Variants in GAB2 observed in about 807,000 individuals in gnomAD.
GAB2 encodes GRB2-associated-binding protein 2.
A neutral mutation model predicts 65.5 loss-of-function variants in GAB2; 26 were observed. The ratio of observed to expected loss-of-function variants is 0.40; its 90% CI spans 0.29 to 0.55. The LOEUF (loss-of-function observed/expected upper bound fraction) is 0.55, where lower values mean the gene tolerates loss of function less well. Ranked by LOEUF, GAB2 falls within the 20% of genes least tolerant of loss-of-function variation. The pLI, the probability that GAB2 is intolerant of heterozygous loss-of-function variation, is 0.53. For synonymous variants in GAB2, 321 were observed against 329.6 expected (o/e 0.97, Z 0.28); for missense variants, 884 against 875.8 (o/e 1.01, Z -0.12).
chr11:78,235,344 G>T lies in GAB2; in HGVS notation c.621-8293C>A, dbSNP rs189750728. 3.6e-3 allele frequency among the ~76,000 whole-genome samples: 549 copies of T among 151,982 alleles called. 3 individuals are homozygous for T. Among genetic ancestry groups the T allele is most frequent in the African/African-American group, 0.013 (522 of 41,464 alleles). The stretch of plus-strand genomic sequence containing the variant: ...ATTTTTTGTATTTTGAGTAGAGATG[G>T]GGTTTCACCGTGTTAGCCAGGATGG... On this transcript the variant is annotated intron_variant, in intron 3 of 9. Coordinates refer to ENST00000361507, the MANE Select transcript of GAB2 (RefSeq NM_080491.3).
At chr11:78,250,442 A>T (rs1865422214) in intron 2 of GAB2, 42 bp from the exon 3 acceptor site, 1 of 1,565,570 alleles carries the variant, frequency 6.4e-7, no homozygotes, top group Admixed American at 1.7e-5. Context: ...AAGGAAGGAA[A>T]TGTATCCTTA....
At chr11:78,243,786 G>A (rs1865214278) in intron 3 of GAB2, among the ~76,000 whole-genome samples, 1 of 152,210 alleles carries the variant, frequency 6.6e-6, no homozygotes, top group Non-Finnish European at 1.5e-5. Context: ...GGAGGTTGTA[G>A]TGAGCTGAGA....
rs560067782 is a variant in GAB2 at position 78,333,328 on chromosome 11, C to T, written c.76-52427G>A. 2.6e-5 allele frequency among the ~76,000 whole-genome samples: 4 copies of T among 152,216 alleles called. No individual in the cohort carries two copies. The South Asian group carries it at 6.2e-4, about 24-fold the overall frequency. Reference sequence around the variant, plus strand: ...TCACTCAGGCTGGAGGGCAGTGGTGCGATCATGGCTCACTCCAGCCTCGAA... The same window carrying T: ...TCACTCAGGCTGGAGGGCAGTGGTGTGATCATGGCTCACTCCAGCCTCGAA... On this transcript the variant is annotated intron_variant, in intron 1 of 9. Transcript: ENST00000361507.
chr11:78,290,002 C>T (rs893043585), intron 1 of GAB2, among the ~76,000 whole-genome samples: 1 of 151,926 alleles, frequency 6.6e-6, no homozygotes, highest in African/African-American at 2.4e-5. Context: ...GAAGTTTCAT[C>T]TTTCCTTTAT....
intron 2 of GAB2, among the ~76,000 whole-genome samples, chr11:78,272,764 G>A (rs780628475): frequency 6.6e-6 from 1 of 152,254 alleles, no homozygotes; most frequent in Non-Finnish European, 1.5e-5. Context: ...TCCAGGCCAT[G>A]TCAGAGGTCT....
At chr11:78,321,845 T>C (rs115105674) in intron 1 of GAB2, among the ~76,000 whole-genome samples, 1,501 of 149,918 alleles carry the variant, frequency 0.01, 23 homozygotes, top group African/African-American at 0.036. Context: ...GCCACACACC[T>C]ACAACAAACT....
chr11:78,231,287 G>A (rs1471869287), intron 3 of GAB2, among the ~76,000 whole-genome samples: 4 of 151,884 alleles, frequency 2.6e-5, no homozygotes, highest in African/African-American at 9.7e-5. Flanking sequence ...GGCTATAGAG[G>A]CTATTGCCAC....
At chr11:78,289,736 C>T (rs552895176) in intron 1 of GAB2, among the ~76,000 whole-genome samples, 9 of 145,652 alleles carry the variant, frequency 6.2e-5, no homozygotes, top group East Asian at 4.0e-4. Flanking sequence ...CAAACATGCA[C>T]GAGAGAGAAG....
chr11:78,227,697 G>C (rs1490588056), intron 3 of GAB2, among the ~76,000 whole-genome samples: 2 of 150,640 alleles, frequency 1.3e-5, no homozygotes, highest in African/African-American at 2.4e-5. Flanking sequence ...CTTCTGGTGA[G>C]GCTAAGGGAG....
intron 1 of GAB2, among the ~76,000 whole-genome samples, chr11:78,401,814 A>C (rs1856977394): frequency 6.6e-6 from 1 of 152,196 alleles, no homozygotes; most frequent in South Asian, 2.1e-4. Context: ...TGTGAATGAT[A>C]AAAAGCTCAG....
At chr11:78,405,091 A>ATTTTTTTT (rs1174366754) in intron 1 of GAB2, among the ~76,000 whole-genome samples, 7 of 93,252 alleles carry the variant, frequency 7.5e-5, no homozygotes, top group Non-Finnish European at 7.7e-5. Flanking sequence ...AAAAACATGG[A>ATTTTTTTT]TTTTTTTTTT....
intron 3 of GAB2, among the ~76,000 whole-genome samples, chr11:78,237,056 AT>A (rs1865002176): frequency 6.6e-6 from 1 of 152,204 alleles, no homozygotes; most frequent in African/African-American, 2.4e-5. Context: ...TGCTGGTCTC[AT>A]AAAATGAGCT....
At chr11:78,359,521 A>G (rs1350050355) in intron 1 of GAB2, among the ~76,000 whole-genome samples, 2 of 152,222 alleles carry the variant, frequency 1.3e-5, no homozygotes, top group East Asian at 1.9e-4. Context: ...AGACAAAAAA[A>G]CAGAAATTGC....
In GAB2 at chr11:78,216,957, G is replaced by A. The variant is rs1429429444; in HGVS notation, c.*2315C>T. ...ACCAAGGCATGGCCCCTACACTTCT[G>A]AGTGGCTGGACCCATATGCTCAAAG... On this transcript the variant is annotated 3_prime_UTR_variant, in exon 10 of 10. Coordinates refer to ENST00000361507, the MANE Select transcript of GAB2 (RefSeq NM_080491.3). The A allele has an allele frequency of 6.6e-6, 1 of 152,266 alleles. No homozygotes were observed. Among genetic ancestry groups the A allele is most frequent in the Non-Finnish European group, 1.5e-5 (1 of 68,100 alleles). The allele number at this position is 152,266 out of a possible 1,614,324, so 9.4% of individuals were successfully genotyped here.
intron 1 of GAB2, among the ~76,000 whole-genome samples, chr11:78,361,991 G>A (rs886285210): frequency 6.6e-6 from 1 of 151,816 alleles, no homozygotes; most frequent in African/African-American, 2.4e-5. Flanking sequence ...ACCAATTGAT[G>A]TACTACCACT....
At chr11:78,265,567 G>C (rs1865854680) in intron 2 of GAB2, among the ~76,000 whole-genome samples, 1 of 152,170 alleles carries the variant, frequency 6.6e-6, no homozygotes, top group Non-Finnish European at 1.5e-5. Flanking sequence ...AAAGGGCCGA[G>C]GAGGTAGCAA....
chr11:78,360,674 A>G (rs959469945), intron 1 of GAB2, among the ~76,000 whole-genome samples: 16 of 152,226 alleles, frequency 1.1e-4, no homozygotes, highest in African/African-American at 3.4e-4. Flanking sequence ...CCTGGCCAAC[A>G]TGGCGAAAAC....
chr11:78,223,565 A>C lies in GAB2; in HGVS notation c.1414T>G (p.Ser472Ala). 1 of 1,613,848 alleles carries C rather than the reference A, an allele frequency of 6.2e-7. No homozygotes were observed. The highest frequency in any genetic ancestry group is 1.3e-5 in the African/African-American group (1 of 75,002). ...CTCATTGGGATGTAGACGCTCTGGG[A>C]ATTATCACCTGCTCGTTCCATGGCC... ...LLAMERAGDN[S>A]QSVYIPMSPG... Residue 472 changes from serine to alanine, a missense_variant, in exon 6 of 10, where the codon TCC (serine) becomes GCC (alanine). Coordinates refer to ENST00000361507, the MANE Select transcript of GAB2 (RefSeq NM_080491.3).
chr11:78,336,393 C>T (rs748589198), intron 1 of GAB2, among the ~76,000 whole-genome samples: 1 of 133,818 alleles, frequency 7.5e-6, no homozygotes, highest in Non-Finnish European at 1.6e-5. Context: ...AGATTGTTCA[C>T]TGTTGACATA....
Sources: allele counts gnomAD v4.1 joint callset (sites outside exome capture counted in the v4.1 genomes callset), GRCh38; gene constraint gnomAD v4.1.1; transcripts MANE v1.5; gene names NCBI Gene and HGNC (gene_info 2026-07-23, HGNC 2026-07-21).